SNX24: variants seen among roughly 807,000 people sequenced by gnomAD.
SNX24 encodes the protein sorting nexin-24.
In SNX24, 22 loss-of-function variants were observed where a neutral mutation model predicts 28.7. The observed-to-expected ratio is 0.77, with a 90% CI of 0.55 to 1.10. SNX24 has a LOEUF of 1.10. SNX24 is among the 50% of genes least tolerant of loss of function. SNX24 has a pLI of 0.00. For synonymous variants in SNX24, 69 were observed against 71.5 expected (o/e 0.96, Z 0.18); for missense variants, 221 against 201.1 (o/e 1.10, Z -0.60).
intron 1 of SNX24, among the ~76,000 whole-genome samples, chr5:122,915,596 A>T (rs566299507): frequency 6.6e-6 from 1 of 152,336 alleles, no homozygotes; most frequent in Non-Finnish European, 1.5e-5. Context: ...ACCATACTCT[A>T]GCCCGGGTAA....
chr5:122,963,490 T>C (rs1033453275), intron 3 of SNX24, among the ~76,000 whole-genome samples: 2 of 152,234 alleles, frequency 1.3e-5, no homozygotes, highest in Admixed American at 6.5e-5. Flanking sequence ...TTTTATCTGA[T>C]GAAAACATAA....
intron 1 of SNX24, among the ~76,000 whole-genome samples, chr5:122,896,682 G>A (rs954607280): frequency 2.6e-5 from 4 of 151,966 alleles, no homozygotes; most frequent in East Asian, 1.9e-4. Context: ...ATGTACTGTC[G>A]GGAAAAAAAG....
intron 1 of SNX24, among the ~76,000 whole-genome samples, chr5:122,893,640 C>T (rs1357886134): frequency 2.6e-5 from 4 of 151,976 alleles, no homozygotes; most frequent in Non-Finnish European, 5.9e-5. Context: ...CATTTCAGCC[C>T]AAAACTGTTT....
chr5:122,984,321 T>G (rs969268526), intron 3 of SNX24, among the ~76,000 whole-genome samples: 3 of 152,218 alleles, frequency 2.0e-5, no homozygotes, highest in Admixed American at 6.5e-5. Context: ...TTTATACTTT[T>G]AAACTTCAAT....
chr5:122,959,386 T>C (rs1295995437), intron 3 of SNX24, among the ~76,000 whole-genome samples: 1 of 150,264 alleles, frequency 6.7e-6, no homozygotes, highest in Non-Finnish European at 1.5e-5. Flanking sequence ...TATATATATA[T>C]AATAAAAAAT....
chr5:122,860,143 G>C (rs1048186824), intron 1 of SNX24, among the ~76,000 whole-genome samples: 8 of 152,276 alleles, frequency 5.3e-5, no homozygotes, highest in Admixed American at 3.9e-4. Context: ...GAACAGCTTT[G>C]CAGGGCCGTC....
chr5:122,862,193 G>A (rs969087558), intron 1 of SNX24, among the ~76,000 whole-genome samples: 3 of 152,152 alleles, frequency 2.0e-5, no homozygotes, highest in Non-Finnish European at 4.4e-5. Context: ...GAATTAGGTT[G>A]AGTGGTTACA....
intron 3 of SNX24, among the ~76,000 whole-genome samples, chr5:122,954,208 T>C (rs1220659267): frequency 1.3e-5 from 2 of 151,814 alleles, no homozygotes; most frequent in Non-Finnish European, 2.9e-5. Context: ...TATATATATA[T>C]AGTTTTATAT....
chr5:122,991,855 A>C (rs931915817), intron 3 of SNX24, among the ~76,000 whole-genome samples: 1 of 152,226 alleles, frequency 6.6e-6, no homozygotes, highest in Non-Finnish European at 1.5e-5. Flanking sequence ...TGTAAGAATT[A>C]GTTGAGATGT....
At position 122,904,685 on chromosome 5, in the gene SNX24, G is replaced by A. The variant is rs570366259; in HGVS notation, c.61-32049G>A. 4.9e-4 allele frequency among the ~76,000 whole-genome samples: 75 copies of A among 151,924 alleles called. 1 individual carries two copies. Among genetic ancestry groups the A allele is most frequent in the African/African-American group, 1.4e-3 (57 of 41,416 alleles). ...AATTTACATGATCATCAGATAATTC[G>A]GCTTAATATGTCTTATTCTATTCAG... On this transcript the variant is annotated intron_variant, in intron 1 of 6. Transcript: ENST00000261369.
At chr5:122,907,820 C>T (rs1757705801) in intron 1 of SNX24, among the ~76,000 whole-genome samples, 1 of 151,706 alleles carries the variant, frequency 6.6e-6, no homozygotes, top group South Asian at 2.1e-4. Context: ...TCTATTGAAA[C>T]TTCTTAACAC....
intron 5 of SNX24, among the ~76,000 whole-genome samples, chr5:123,026,578 G>A (rs1032519959): frequency 1.3e-5 from 2 of 152,188 alleles, no homozygotes; most frequent in Non-Finnish European, 2.9e-5. Flanking sequence ...TTCTAAAGCT[G>A]GTGCTTTTTC....
chr5:123,001,398 CTT>C lies in SNX24; in HGVS notation c.345-4_345-3del, dbSNP rs1762240457. 2 of 1,596,400 alleles carry C rather than the reference CTT, an allele frequency of 1.3e-6. No individual in the cohort carries two copies. The highest frequency in any genetic ancestry group is 1.7e-6 in the Non-Finnish European group (2 of 1,165,968). On this transcript the variant is annotated splice_polypyrimidine_tract_variant and splice_region_variant and intron_variant, in intron 4 of 6. Coordinates refer to ENST00000261369, the MANE Select transcript of SNX24 (RefSeq NM_014035.4). ...TTTTTGTTTTTTTCCTTTTTCAAAA[CTT>C]TTAGATCTTTTGATGAAACAGAGTC...
chr5:122,975,479 G>T (rs1388786836), intron 3 of SNX24, among the ~76,000 whole-genome samples: 1 of 151,694 alleles, frequency 6.6e-6, no homozygotes, highest in East Asian at 1.9e-4. Flanking sequence ...ACATTGATAG[G>T]GATATTTCTG....
At chr5:122,993,147 G>T (rs1320212885) in intron 3 of SNX24, among the ~76,000 whole-genome samples, 1 of 151,984 alleles carries the variant, frequency 6.6e-6, no homozygotes, top group Non-Finnish European at 1.5e-5. Flanking sequence ...CTTGAGTAGT[G>T]CAGTTTTTAC....
At chr5:122,906,490 T>G (rs1265546323) in intron 1 of SNX24, among the ~76,000 whole-genome samples, 1 of 152,226 alleles carries the variant, frequency 6.6e-6, no homozygotes, top group Non-Finnish European at 1.5e-5. Flanking sequence ...AGCAGTTCTT[T>G]AGGGTTTATG....
At chr5:122,857,307 T>G (rs1755240174) in intron 1 of SNX24, among the ~76,000 whole-genome samples, 1 of 152,144 alleles carries the variant, frequency 6.6e-6, no homozygotes, top group African/African-American at 2.4e-5. Context: ...CCACCGTGCC[T>G]GGCCTGAGTT....
intron 6 of SNX24, among the ~76,000 whole-genome samples, chr5:123,006,821 CCCTAGTAAA>C (rs763511632): frequency 7.2e-4 from 109 of 152,142 alleles, no homozygotes; most frequent in Non-Finnish European, 1.1e-3. Flanking sequence ...AGGCCCAATC[CCCTAGTAAA>C]TGATTTTATT....
chr5:122,968,279 G>A (rs1010393968), intron 3 of SNX24, among the ~76,000 whole-genome samples: 5 of 152,122 alleles, frequency 3.3e-5, no homozygotes, highest in African/African-American at 4.8e-5. Flanking sequence ...CCTGGGAGGC[G>A]GAGATTGCAG....
Sources: gnomAD v4.1 joint callset for allele counts (sites outside exome capture counted in the v4.1 genomes callset) on GRCh38, gnomAD v4.1.1 for gene constraint, MANE v1.5 for transcripts, NCBI Gene and HGNC (gene_info 2026-07-23, HGNC 2026-07-21) for gene names.